Variants in PUDP observed in about 807,000 individuals in gnomAD.
The protein encoded by PUDP is pseudouridine 5'-phosphatase, also known as pseudouridine-5'-phosphatase.
A neutral mutation model predicts 9.4 loss-of-function variants in PUDP; 8 were observed. The observed-to-expected ratio is 0.85, with a 90% CI of 0.50 to 1.53. PUDP has a LOEUF of 1.53. Ranked by LOEUF, PUDP falls within the 40% of genes most tolerant of loss-of-function variation. The pLI is 0.00. For synonymous variants in PUDP, 99 were observed against 80.7 expected (o/e 1.23, Z -1.22); for missense variants, 188 against 189.7 (o/e 0.99, Z 0.05).
intron 1 of PUDP, among the ~76,000 whole-genome samples, chrX:7,107,526 C>T (rs1157877640): frequency 1.8e-5 from 2 of 112,600 alleles, no homozygotes; most frequent in African/African-American, 6.5e-5. Flanking sequence ...GTATGAACTG[C>T]GACTAAAGGA....
intron 1 of PUDP, among the ~76,000 whole-genome samples, chrX:6,718,980 AGAG>A (rs1364667887): frequency 4.5e-5 from 5 of 111,183 alleles, no homozygotes; most frequent in Non-Finnish European, 3.8e-5. Flanking sequence ...CAGAAGCACG[AGAG>A]GAGATCTTCC....
At chrX:6,784,887 T>A (rs891135235) in intron 3 of PUDP, among the ~76,000 whole-genome samples, 3 of 111,768 alleles carry the variant, frequency 2.7e-5, no homozygotes, top group Non-Finnish European at 5.6e-5. Flanking sequence ...CTTTGTAGGG[T>A]AGCAATTGCA....
chrX:7,146,641 C>A (rs771870173), intron 1 of PUDP, among the ~76,000 whole-genome samples: 1 of 110,638 alleles, frequency 9.0e-6, no homozygotes, highest in South Asian at 3.8e-4. Flanking sequence ...ATGGTTTCTG[C>A]ATGCCTTTTT....
chrX:7,092,058 T>C (rs1186849597), intron 2 of PUDP, among the ~76,000 whole-genome samples: 2 of 112,838 alleles, frequency 1.8e-5, no homozygotes, highest in Admixed American at 9.3e-5. Context: ...ATGCCATACC[T>C]GAGGTTCTCA....
intron 3 of PUDP, among the ~76,000 whole-genome samples, chrX:6,852,474 C>T (rs1926840464): frequency 9.0e-6 from 1 of 111,678 alleles, no homozygotes; most frequent in Non-Finnish European, 1.9e-5. Flanking sequence ...AGGACAAAGC[C>T]ATCCAGCTCC....
intron 2 of PUDP, among the ~76,000 whole-genome samples, chrX:7,096,646 A>G (rs1380910604): frequency 9.0e-6 from 1 of 111,032 alleles, no homozygotes; most frequent in Non-Finnish European, 1.9e-5. Context: ...ACTGGGCAAC[A>G]TATCAAGACT....
intron 3 of PUDP, among the ~76,000 whole-genome samples, chrX:6,797,386 C>A (rs1224038089): frequency 1.8e-5 from 2 of 111,329 alleles, no homozygotes; most frequent in Non-Finnish European, 3.8e-5. Context: ...TTTATTGGAT[C>A]AATAAAATAT....
chrX:6,845,110 C>T (rs1055203789), intron 3 of PUDP, among the ~76,000 whole-genome samples: 7 of 112,000 alleles, frequency 6.3e-5, no homozygotes, highest in African/African-American at 2.3e-4. Flanking sequence ...ACACCGAAAT[C>T]AATGTTTTAC....
At chrX:7,097,680 G>A (rs1449971915) in intron 2 of PUDP, among the ~76,000 whole-genome samples, 1 of 111,184 alleles carries the variant, frequency 9.0e-6, no homozygotes, top group East Asian at 2.8e-4. Context: ...CACTCACTCA[G>A]CACTACATGC....
chrX:6,721,666 C>T (rs775950640), upstream of PUDP: 3 of 111,957 alleles, frequency 2.7e-5, no homozygotes, highest in Admixed American at 9.5e-5. Context: ...TGTTATAGGA[C>T]ATAACAGAAG....
chrX:7,119,931 C>T (rs1427929287), intron 1 of PUDP, among the ~76,000 whole-genome samples: 2 of 111,725 alleles, frequency 1.8e-5, no homozygotes, highest in Non-Finnish European at 3.8e-5. Flanking sequence ...ATACATAGAA[C>T]GCAAAGAGCA....
intron 1 of PUDP, among the ~76,000 whole-genome samples, chrX:7,131,335 C>A (rs1006092476): frequency 9.0e-6 from 1 of 110,947 alleles, no homozygotes; most frequent in African/African-American, 3.3e-5. Flanking sequence ...ACGTCCTAAT[C>A]CCTAGGGCCC....
At chrX:7,143,100 A>G (rs1395779312) in intron 1 of PUDP, among the ~76,000 whole-genome samples, 4 of 110,529 alleles carry the variant, frequency 3.6e-5, no homozygotes, top group African/African-American at 9.9e-5. Context: ...TCCACCAGCA[A>G]AAGAATTACA....
chrX:6,976,911 C>G (rs1448697704), intron 3 of PUDP, among the ~76,000 whole-genome samples: 1 of 111,909 alleles, frequency 8.9e-6, no homozygotes, highest in Admixed American at 9.5e-5. Context: ...GGAATATAAA[C>G]AAAATAATTA....
chrX:7,143,865 T>A (rs1932821700), intron 1 of PUDP, among the ~76,000 whole-genome samples: 1 of 111,623 alleles, frequency 9.0e-6, no homozygotes, highest in Non-Finnish European at 1.9e-5. Context: ...CACACTGGCC[T>A]CCACCCTCAG....
intron 3 of PUDP, among the ~76,000 whole-genome samples, chrX:6,950,333 G>A (rs1233329102): frequency 4.6e-5 from 3 of 65,049 alleles, no homozygotes; most frequent in Non-Finnish European, 5.4e-5. Context: ...GCAAAGCTCT[G>A]TCTCAAAAAA....
intron 3 of PUDP, among the ~76,000 whole-genome samples, chrX:6,962,321 C>T (rs190289893): frequency 2.7e-5 from 3 of 112,230 alleles, no homozygotes; most frequent in Non-Finnish European, 3.8e-5. Flanking sequence ...TACTACACCC[C>T]GGTGTTTGAG....
intron 3 of PUDP, among the ~76,000 whole-genome samples, chrX:6,919,289 C>A (rs1380978027): frequency 9.0e-6 from 1 of 111,572 alleles, no homozygotes; most frequent in African/African-American, 3.3e-5. Flanking sequence ...ATTTTTTCAT[C>A]TTCTCAAAAT....
chrX:6,723,702 C>CAA (rs1924704628), upstream of PUDP, among the ~76,000 whole-genome samples: 1 of 109,774 alleles, frequency 9.1e-6, no homozygotes. Context: ...CAAAACAAAA[C>CAA]AAAACAAAAC....
Sources: gnomAD v4.1 joint callset for allele counts (sites outside exome capture counted in the v4.1 genomes callset) on GRCh38, gnomAD v4.1.1 for gene constraint, MANE v1.5 for transcripts, NCBI Gene and HGNC (gene_info 2026-07-23, HGNC 2026-07-21) for gene names.